CACNG5: variants seen among roughly 807,000 people sequenced by gnomAD.
The protein encoded by CACNG5 is voltage-dependent calcium channel gamma-5 subunit.
CACNG5 carries 18 observed loss-of-function variants against 24.8 expected under a neutral mutation model. The observed-to-expected ratio is 0.73, with a 90% CI of 0.50 to 1.08. CACNG5 has a LOEUF of 1.08. Among genes scored for constraint, CACNG5 ranks in the 50% least tolerant of loss-of-function variants. The probability of loss-of-function intolerance (pLI) is 0.00; values close to 1 mark genes in which losing one functional copy is unlikely to be tolerated. For synonymous variants in CACNG5, 157 were observed against 149.1 expected, an observed-to-expected ratio of 1.05 and a Z score of -0.39; for missense variants, 349 against 367.9, an observed-to-expected ratio of 0.95 and a Z score of 0.42.
At chr17:66,866,187 T>C (rs1976927290) in intron 1 of CACNG5, among the ~76,000 whole-genome samples, 1 of 152,214 alleles carries the variant, frequency 6.6e-6, no homozygotes, top group South Asian at 2.1e-4. Context: ...ATATATATTC[T>C]GCAGCTACTA....
At chr17:66,884,855 C>CA in intron 5 of CACNG5, 128 bp from the exon 6 acceptor site, 1 of 1,613,336 alleles carries the variant, frequency 6.2e-7, no homozygotes, top group Non-Finnish European at 8.5e-7. Context: ...AGGATGTCCC[C>CA]AGGACCCTGC....
chr17:66,853,488 C>T (rs561841680), intron 1 of CACNG5, among the ~76,000 whole-genome samples: 1 of 152,300 alleles, frequency 6.6e-6, no homozygotes, highest in Admixed American at 6.5e-5. Flanking sequence ...GCAGTTTCTC[C>T]AAACCTTCTC....
chr17:66,861,138 C>T (rs984330130), intron 1 of CACNG5, among the ~76,000 whole-genome samples: 4 of 152,014 alleles, frequency 2.6e-5, no homozygotes, highest in Non-Finnish European at 5.9e-5. Context: ...TTATCACATA[C>T]AGAATTGTAA....
chr17:66,848,664 C>T lies in CACNG5; in HGVS notation c.-104+13414C>T, dbSNP rs193145583. On this transcript the variant is annotated intron_variant, in intron 1 of 5. Coordinates refer to ENST00000533854, the MANE Select transcript of CACNG5 (RefSeq NM_145811.3). ...GAGAATTTTACCTTGGCAGGGGAGA[C>T]GAATTTGAGGTCCTGGTAGTGGCCC... 2.1e-4 allele frequency among the ~76,000 whole-genome samples: 32 copies of T among 152,244 alleles called. 1 individual carries two copies. The highest frequency in any genetic ancestry group is 7.8e-4 in the Admixed American group (12 of 15,296).
At chr17:66,842,012 C>CA (rs1197860319) in intron 1 of CACNG5, among the ~76,000 whole-genome samples, 1 of 152,184 alleles carries the variant, frequency 6.6e-6, no homozygotes, top group East Asian at 1.9e-4. Flanking sequence ...TTCCATCACA[C>CA]AAAAAGTAAA....
intron 1 of CACNG5, among the ~76,000 whole-genome samples, chr17:66,869,161 G>T (rs1976968867): frequency 2.0e-5 from 3 of 152,056 alleles, no homozygotes; most frequent in Admixed American, 2.0e-4. Flanking sequence ...TTGGCTCACT[G>T]CAACCTCCGC....
rs1259426082 is a variant in CACNG5, at chr17:66,879,058, A to G, written c.283A>G (p.Lys95Glu). ...LTSESTVNVL[K>E]MIRSATPFPL... ...ATCCGAGTCCACGGTCAATGTTCTA[A>G]GTAAGTGCCTTGAGTCTGGCAACCT... The change falls in exon 3 of 6, where the codon AAG becomes GAG. Residue 95 changes from lysine to glutamate, a missense_variant and splice_region_variant. Coordinates refer to ENST00000533854, the MANE Select transcript of CACNG5 (RefSeq NM_145811.3). The G allele has an allele frequency of 6.2e-7, 1 of 1,613,412 alleles. No homozygotes were observed. Among genetic ancestry groups the G allele is most frequent in the Non-Finnish European group, 8.5e-7 (1 of 1,179,546 alleles).
rs1977304067 is a variant in CACNG5 at position 66,889,031 on chromosome 17, G to A, written c.*3791G>A. ...CTGTCAGTGCAGTGGTGTGATCTCG[G>A]CTCACTGCAACCTCTGCTTCCTGGG... On this transcript the variant is annotated 3_prime_UTR_variant, in exon 6 of 6. Transcript: ENST00000533854. Among the ~76,000 whole-genome samples, 1 of 152,108 alleles carries A rather than the reference G, an allele frequency of 6.6e-6. No individual in the cohort carries two copies. Among genetic ancestry groups the A allele is most frequent in the Admixed American group, 6.5e-5 (1 of 15,274 alleles).
Position 66,887,247 on chromosome 17 carries a change from G to A in CACNG5, c.*2007G>A, listed in dbSNP as rs1325640605. On this transcript the variant is annotated 3_prime_UTR_variant, in exon 6 of 6. Transcript: ENST00000533854. The stretch of plus-strand genomic sequence containing the variant: ...CCACTCATTCACCACGAATCCTTGG[G>A]CAACACCCTTCCACTCTGAGGGGCT... Among the ~76,000 whole-genome samples, 1 of 152,166 alleles carries A rather than the reference G, an allele frequency of 6.6e-6. No homozygotes were observed. Among genetic ancestry groups the A allele is most frequent in the South Asian group, 2.1e-4 (1 of 4,804 alleles).
chr17:66,848,422 C>A (rs536474591), intron 1 of CACNG5, among the ~76,000 whole-genome samples: 12 of 152,216 alleles, frequency 7.9e-5, no homozygotes, highest in Non-Finnish European at 1.8e-4. Context: ...AGGCCAGAAC[C>A]CGGCTTAATC....
Position 66,892,172 on chromosome 17 carries a change from C to T in CACNG5, c.*6932C>T, listed in dbSNP as rs1568076707. Among the ~76,000 whole-genome samples the T allele has an allele frequency of 6.6e-6, 1 of 152,214 alleles. No individual in the cohort carries two copies. The highest frequency in any genetic ancestry group is 6.5e-5 in the Admixed American group (1 of 15,288). The stretch of plus-strand genomic sequence containing the variant: ...CTGAGGAGGTGGAAGCCCCAGGGAC[C>T]TCCCCCCACTCCTCGCTCTGTCTCA... On this transcript the variant is annotated 3_prime_UTR_variant, in exon 6 of 6. Transcript: ENST00000533854.
At chr17:66,851,431 T>G (rs1000271448) in intron 1 of CACNG5, among the ~76,000 whole-genome samples, 2 of 152,136 alleles carry the variant, frequency 1.3e-5, no homozygotes, top group Non-Finnish European at 2.9e-5. Flanking sequence ...ACAGACCACA[T>G]GAGAGCATGG....
At chr17:66,864,463 C>T (rs1976902490) in intron 1 of CACNG5, among the ~76,000 whole-genome samples, 1 of 152,206 alleles carries the variant, frequency 6.6e-6, no homozygotes, top group African/African-American at 2.4e-5. Context: ...TATCTCAATG[C>T]ATTTCCTTCA....
In CACNG5 at chr17:66,885,333, A is replaced by G. The variant is rs1598066179; in HGVS notation, c.*93A>G. 3 of 1,437,904 alleles carry G rather than the reference A, an allele frequency of 2.1e-6. No homozygotes were observed. The highest frequency in any genetic ancestry group is 4.5e-5 in the Admixed American group (2 of 44,088). The allele number at this position is 1,437,904 out of a possible 1,614,324, so 89.1% of individuals were successfully genotyped here. On this transcript the variant is annotated 3_prime_UTR_variant, in exon 6 of 6. Transcript: ENST00000533854. ...CCTGAGCCCCAGGCCTGTGGTTGAC[A>G]GGCCCAGGCCACCCATGCTTAGCTG...
chr17:66,883,486 C>A (rs1598064485), intron 4 of CACNG5, among the ~76,000 whole-genome samples: 2 of 152,308 alleles, frequency 1.3e-5, no homozygotes, highest in East Asian at 1.9e-4. Flanking sequence ...GGAATTAAAC[C>A]TGAACAACTC....
At position 66,843,852 on chromosome 17, in the gene CACNG5, T is replaced by C. The variant is rs374073468; in HGVS notation, c.-104+8602T>C. Among the ~76,000 whole-genome samples, 5 of 152,056 alleles carry C rather than the reference T, an allele frequency of 3.3e-5. No homozygotes were observed. The East Asian group carries it at 7.8e-4, about 24-fold the overall frequency. On this transcript the variant is annotated intron_variant, in intron 1 of 5. Coordinates refer to ENST00000533854, the MANE Select transcript of CACNG5 (RefSeq NM_145811.3). ...TGGAATAAGCCAGTGTTGCAATTGC[T>C]CTCACACTGGGTGCTCTCAAGCAAA... is the stretch of plus-strand genomic sequence containing the variant.
In CACNG5 at chr17:66,885,408, T is replaced by G; in HGVS notation, c.*168T>G. 1.3e-6 allele frequency: 1 copy of G among 760,424 alleles called. No homozygotes were observed. Among genetic ancestry groups the G allele is most frequent in the Admixed American group, 3.0e-5 (1 of 33,706 alleles). The allele number at this position is 760,424 out of a possible 1,614,324, so 47.1% of individuals were successfully genotyped here. ...CCTGCTTCTCCAGAAGGGCTCTAAC[T>G]GCCCCAGCATGGGTGTGGGAGTCTG... On this transcript the variant is annotated 3_prime_UTR_variant, in exon 6 of 6. Coordinates refer to ENST00000533854, the MANE Select transcript of CACNG5 (RefSeq NM_145811.3).
chr17:66,862,697 A>T (rs1311714665), intron 1 of CACNG5, among the ~76,000 whole-genome samples: 4 of 123,968 alleles, frequency 3.2e-5, no homozygotes, highest in Non-Finnish European at 1.6e-5. Flanking sequence ...AGCAGCAGAG[A>T]TATGCTTCCA....
In CACNG5 at chr17:66,885,507, G is replaced by A; in HGVS notation, c.*267G>A. On this transcript the variant is annotated 3_prime_UTR_variant, in exon 6 of 6. Coordinates refer to ENST00000533854, the MANE Select transcript of CACNG5 (RefSeq NM_145811.3). Reference sequence around the variant, plus strand: ...CATGTGAGTGCCAATCACAGCAGTGGCTCCAGGAAGCCAGCAGCTCCCCCC... The same window carrying A: ...CATGTGAGTGCCAATCACAGCAGTGACTCCAGGAAGCCAGCAGCTCCCCCC... 1 of 451,598 alleles carries A rather than the reference G, an allele frequency of 2.2e-6. No homozygotes were observed. The highest frequency in any genetic ancestry group is 3.9e-6 in the Non-Finnish European group (1 of 257,038). The allele number at this position is 451,598 out of a possible 1,614,324, so 28.0% of individuals were successfully genotyped here.
Sources: gnomAD v4.1 joint callset for allele counts (sites outside exome capture counted in the v4.1 genomes callset) on GRCh38, gnomAD v4.1.1 for gene constraint, MANE v1.5 for transcripts, NCBI Gene and HGNC (gene_info 2026-07-23, HGNC 2026-07-21) for gene names.